Variants in FTO observed in about 807,000 individuals in gnomAD.
The protein encoded by FTO is alpha-ketoglutarate-dependent dioxygenase FTO.
FTO carries 47 observed loss-of-function variants against 63.9 expected under a neutral mutation model. That is an observed-to-expected ratio of 0.74 (90% CI 0.58 to 0.94). The LOEUF is 0.94. Ranked by LOEUF, FTO falls within the 40% of genes least tolerant of loss-of-function variation. FTO has a pLI of 0.00. For synonymous variants in FTO, 207 were observed against 224.4 expected (o/e 0.92, Z 0.69); for missense variants, 562 against 618.1 (o/e 0.91, Z 0.96).
At chr16:53,865,651 C>CTGAATCTGTT (rs2080290784) in intron 4 of FTO, among the ~76,000 whole-genome samples, 3 of 151,994 alleles carry the variant, frequency 2.0e-5, no homozygotes, top group Non-Finnish European at 4.4e-5. Flanking sequence ...GTCTGCTTAT[C>CTGAATCTGTT]GTCTCCTCCC....
intron 1 of FTO, among the ~76,000 whole-genome samples, chr16:53,722,937 A>G (rs1340431178): frequency 3.3e-5 from 5 of 152,066 alleles, no homozygotes; most frequent in African/African-American, 9.7e-5. Flanking sequence ...TTTACCTATC[A>G]CTGTGTTTTT....
chr16:54,096,425 A>G (rs2086517885), intron 8 of FTO, among the ~76,000 whole-genome samples: 1 of 152,206 alleles, frequency 6.6e-6, no homozygotes, highest in Admixed American at 6.5e-5. Flanking sequence ...AAACAGCTGC[A>G]CCAACATATA....
intron 8 of FTO, among the ~76,000 whole-genome samples, chr16:54,109,785 G>A (rs1343376705): frequency 2.6e-5 from 4 of 152,102 alleles, no homozygotes; most frequent in African/African-American, 9.7e-5. Context: ...CTCAAAGTAC[G>A]GAGGCAAAAC....
At chr16:53,848,319 C>T (rs540271806) in intron 4 of FTO, among the ~76,000 whole-genome samples, 2 of 152,248 alleles carry the variant, frequency 1.3e-5, no homozygotes, top group Non-Finnish European at 2.9e-5. Context: ...ATATATTGGT[C>T]TGCAGAGGAA....
intron 8 of FTO, among the ~76,000 whole-genome samples, chr16:53,982,719 G>C (rs1282328200): frequency 6.6e-6 from 1 of 152,190 alleles, no homozygotes; most frequent in Non-Finnish European, 1.5e-5. Context: ...TCTCTACAAT[G>C]CTTTGCAAAT....
intron 8 of FTO, among the ~76,000 whole-genome samples, chr16:54,100,651 C>T (rs1339524741): frequency 2.0e-5 from 3 of 152,184 alleles, no homozygotes; most frequent in Admixed American, 6.5e-5. Flanking sequence ...CTGTGCCAAG[C>T]CTTATTGGCT....
chr16:53,719,822 A>G (rs1259010060), intron 1 of FTO, among the ~76,000 whole-genome samples: 1 of 151,840 alleles, frequency 6.6e-6, no homozygotes, highest in East Asian at 1.9e-4. Context: ...CAAAATCTTA[A>G]AATAGTTTTA....
At chr16:53,787,168 G>C (rs1318582133) in intron 1 of FTO, among the ~76,000 whole-genome samples, 2 of 121,400 alleles carry the variant, frequency 1.6e-5, no homozygotes, top group African/African-American at 6.7e-5. Flanking sequence ...TCCTTGTAAA[G>C]AGAGCGCATA....
chr16:53,741,949 G>T (rs1435453491), intron 1 of FTO, among the ~76,000 whole-genome samples: 2 of 152,126 alleles, frequency 1.3e-5, no homozygotes, highest in African/African-American at 4.8e-5. Flanking sequence ...ACCCATACTG[G>T]CTGTTGGCTG....
intron 8 of FTO, among the ~76,000 whole-genome samples, chr16:54,086,093 G>C (rs1205381244): frequency 1.3e-5 from 2 of 152,182 alleles, no homozygotes; most frequent in African/African-American, 4.8e-5. Flanking sequence ...TTTTTTTAAA[G>C]TGGAAAACAA....
intron 8 of FTO, among the ~76,000 whole-genome samples, chr16:54,069,258 G>C (rs1465106985): frequency 6.6e-6 from 1 of 152,170 alleles, no homozygotes. Context: ...TTCTCAGCCA[G>C]CTGGGGCCGT....
intron 1 of FTO, among the ~76,000 whole-genome samples, chr16:53,800,777 T>C (rs942073432): frequency 6.6e-6 from 1 of 152,152 alleles, no homozygotes; most frequent in Non-Finnish European, 1.5e-5. Flanking sequence ...CTGATATCAA[T>C]ATAGCCACTT....
intron 8 of FTO, 73 bp from the exon 9 acceptor site, chr16:54,111,689 C>T (rs1478341690): frequency 3.2e-6 from 5 of 1,546,330 alleles, no homozygotes; most frequent in Non-Finnish European, 4.5e-6. Flanking sequence ...CAGTGTTGCT[C>T]CAAGCTTCCT....
chr16:54,116,285 G>C lies in FTO; in HGVS notation c.*4370G>C, dbSNP rs935726391. 1 of 151,310 alleles carries C rather than the reference G, an allele frequency of 6.6e-6. No homozygotes were observed. The allele number at this position is 151,310 out of a possible 1,614,324, so 9.4% of individuals were successfully genotyped here. A position where few individuals can be genotyped will look rare whatever the true frequency, so the allele number is the denominator to read the frequency against. ...ACCACTGGGCAAATTGCATACATTT[G>C]GATCCATGCCACGCTAAAAACTGTT... is the stretch of plus-strand genomic sequence containing the variant. On this transcript the variant is annotated 3_prime_UTR_variant, in exon 9 of 9. Coordinates refer to ENST00000471389, the MANE Select transcript of FTO (RefSeq NM_001080432.3).
chr16:53,961,075 A>C (rs1050211200), intron 8 of FTO, among the ~76,000 whole-genome samples: 1 of 151,974 alleles, frequency 6.6e-6, no homozygotes, highest in Non-Finnish European at 1.5e-5. Context: ...CAGTGCCTAC[A>C]TTGCTCCAGT....
chr16:54,005,002 A>G (rs61228696), intron 8 of FTO, among the ~76,000 whole-genome samples: 4,078 of 150,934 alleles, frequency 0.027, 199 homozygotes, highest in African/African-American at 0.094. Flanking sequence ...CCTGGGAGGC[A>G]GAGCTCACAG....
In FTO at chr16:54,112,436, T is replaced by C. The variant is rs749466531; in HGVS notation, c.*521T>C. On this transcript the variant is annotated 3_prime_UTR_variant, in exon 9 of 9. Transcript: ENST00000471389. ...CAGCTCTTCAGTCGCCCTGGCCACA[T>C]TTCAAGTGCTTAACAGCCTCATGTG... The C allele has an allele frequency of 1.1e-5, 2 of 179,448 alleles. No homozygotes were observed. The highest frequency in any genetic ancestry group is 2.4e-5 in the African/African-American group (1 of 41,884). The allele number at this position is 179,448 out of a possible 1,614,324, so 11.1% of individuals were successfully genotyped here.
rs185938581 is a variant in FTO, at chr16:53,914,557, G to T, written c.1240-19428G>T. On this transcript the variant is annotated intron_variant, in intron 7 of 8. Coordinates refer to ENST00000471389, the MANE Select transcript of FTO (RefSeq NM_001080432.3). ...CTGTGGCAACTTCTCAGGGTGGTCA[G>T]ATAGCAAGAGGAGGACAGATTGGGA... 1.3e-4 allele frequency among the ~76,000 whole-genome samples: 20 copies of T among 151,798 alleles called. No individual in the cohort carries two copies. The East Asian group carries it at 3.9e-3, about 29-fold the overall frequency.
chr16:53,919,956 C>T (rs1207820908), intron 7 of FTO, among the ~76,000 whole-genome samples: 1 of 152,166 alleles, frequency 6.6e-6, no homozygotes, highest in Non-Finnish European at 1.5e-5. Context: ...TGTAACCAAA[C>T]ACCACCTGTT....
Sources: allele counts gnomAD v4.1 joint callset (sites outside exome capture counted in the v4.1 genomes callset), GRCh38; gene constraint gnomAD v4.1.1; transcripts MANE v1.5; gene names NCBI Gene and HGNC (gene_info 2026-07-23, HGNC 2026-07-21).